Variants in GNPTAB observed in about 807,000 individuals in gnomAD.
GNPTAB encodes N-acetylglucosamine-1-phosphate transferase subunits alpha and beta.
A neutral mutation model predicts 136.6 loss-of-function variants in GNPTAB; 92 were observed. That is an observed-to-expected ratio of 0.67 (90% CI 0.57 to 0.80). GNPTAB has a LOEUF of 0.80. GNPTAB is among the 30% of genes least tolerant of loss of function. GNPTAB has a pLI of 0.00. For missense variants in GNPTAB, 1,343 were observed against 1,501.8 expected (o/e 0.89, Z 1.75); for synonymous variants, 512 against 535.1 (o/e 0.96, Z 0.60).
chr12:101,826,033 T>G (rs1871070738), intron 1 of GNPTAB, among the ~76,000 whole-genome samples: 1 of 152,210 alleles, frequency 6.6e-6, no homozygotes. Context: ...ATCTGTTTAA[T>G]GAGTGAACTA....
intron 5 of GNPTAB, among the ~76,000 whole-genome samples, chr12:101,784,250 G>C (rs1308179090): frequency 6.6e-6 from 1 of 152,242 alleles, no homozygotes; most frequent in Non-Finnish European, 1.5e-5. Context: ...GCTTCATGAA[G>C]GAGAGAGGAC....
intron 1 of GNPTAB, among the ~76,000 whole-genome samples, chr12:101,810,245 C>T (rs1463510961): frequency 6.6e-6 from 1 of 151,852 alleles, no homozygotes. Context: ...GACCCGGTCT[C>T]TAAAAATAAT....
At chr12:101,762,611 T>TATAA (rs941765698) in intron 13 of GNPTAB, among the ~76,000 whole-genome samples, 2 of 151,994 alleles carry the variant, frequency 1.3e-5, no homozygotes, top group East Asian at 3.8e-4. Context: ...CTGGCATGGG[T>TATAA]ATAAATAAAT....
intron 15 of GNPTAB, among the ~76,000 whole-genome samples, chr12:101,760,604 C>T (rs1055707597): frequency 6.6e-6 from 1 of 152,108 alleles, no homozygotes. Flanking sequence ...TCAATCCCTA[C>T]TGAAAACCTG....
At chr12:101,820,677 A>G (rs1463071239) in intron 1 of GNPTAB, among the ~76,000 whole-genome samples, 1 of 152,160 alleles carries the variant, frequency 6.6e-6, no homozygotes, top group Non-Finnish European at 1.5e-5. Context: ...GCTAAGAACC[A>G]CTGTCCTAGA....
rs1256054721 is a variant in GNPTAB, at chr12:101,830,759, G to T, written c.-84C>A. 1.3e-6 allele frequency: 1 copy of T among 796,292 alleles called. No homozygotes were observed. The highest frequency in any genetic ancestry group is 2.6e-5 in the Admixed American group (1 of 37,972). The allele number at this position is 796,292 out of a possible 1,614,324, so 49.3% of individuals were successfully genotyped here. On this transcript the variant is annotated 5_prime_UTR_variant, in exon 1 of 21. Transcript: ENST00000299314. ...CGCCTCAGCGAGCCGCCATTCAGGG[G>T]CCCCGGTCGGGCCGCCGCGCGCAGG... is the stretch of plus-strand genomic sequence containing the variant.
At chr12:101,813,153 G>C (rs1870327805) in intron 1 of GNPTAB, among the ~76,000 whole-genome samples, 1 of 152,028 alleles carries the variant, frequency 6.6e-6, no homozygotes, top group East Asian at 1.9e-4. Flanking sequence ...CTTAGTAAAA[G>C]GCAAAAGATT....
chr12:101,780,345 C>T, intron 6 of GNPTAB, 59 bp from the exon 7 acceptor site: 1 of 1,566,640 alleles, frequency 6.4e-7, no homozygotes, highest in South Asian at 1.1e-5. Context: ...TGAAAACCTA[C>T]AGCTGAGAAA....
At chr12:101,801,527 G>A in intron 1 of GNPTAB, among the ~76,000 whole-genome samples, 1 of 83,538 alleles carries the variant, frequency 1.2e-5, no homozygotes, top group African/African-American at 4.9e-5. Flanking sequence ...GTGACAGAAA[G>A]AGACCCTGTC....
chr12:101,824,380 G>A (rs1383226453), intron 1 of GNPTAB, among the ~76,000 whole-genome samples: 2 of 120,378 alleles, frequency 1.7e-5, no homozygotes, highest in South Asian at 2.7e-4. Context: ...TGAGCACCTC[G>A]ATCCACTCCT....
intron 1 of GNPTAB, among the ~76,000 whole-genome samples, chr12:101,815,957 C>G (rs1870495247): frequency 6.6e-6 from 1 of 152,192 alleles, no homozygotes. Flanking sequence ...AAAGGACAGT[C>G]TCTTTAATAC....
At chr12:101,792,527 C>G (rs949344014) in intron 2 of GNPTAB, among the ~76,000 whole-genome samples, 12 of 152,178 alleles carry the variant, frequency 7.9e-5, no homozygotes, top group Non-Finnish European at 1.3e-4. Context: ...ATACCCTTGT[C>G]CAAAGATGAA....
intron 1 of GNPTAB, among the ~76,000 whole-genome samples, chr12:101,800,330 T>C (rs766137735): frequency 6.6e-6 from 1 of 151,878 alleles, no homozygotes; most frequent in Non-Finnish European, 1.5e-5. Context: ...ATTTTTTCCC[T>C]ATTATAAAAA....
chr12:101,747,217 A>C lies in GNPTAB; in HGVS notation c.3718T>G (p.Phe1240Val). The change falls in exon 21 of 21, where the codon TTT becomes GTT. Residue 1240 changes from phenylalanine (F) to valine (V), a missense_variant. Physicochemically the swap from Phe to Val is conservative, Grantham distance 50. Coordinates refer to ENST00000299314, the MANE Select transcript of GNPTAB (RefSeq NM_024312.5). ...EQLIALKRKI[F>V]PRRRIHKEAS... ...TCTTTGTGTATCCTCCTTCTGGGAA[A>C]TATCTTCCGCTTAAGTGCAATTAAC... The C allele has an allele frequency of 2.5e-6, 4 of 1,591,746 alleles. No homozygotes were observed. The highest frequency in any genetic ancestry group is 3.4e-6 in the Non-Finnish European group (4 of 1,159,616).
chr12:101,830,277 T>G (rs1871299822), intron 1 of GNPTAB, among the ~76,000 whole-genome samples: 1 of 152,120 alleles, frequency 6.6e-6, no homozygotes, highest in Non-Finnish European at 1.5e-5. Flanking sequence ...ATCACATACA[T>G]GCCTTTTTCC....
At position 101,830,651 on chromosome 12, in the gene GNPTAB, G is replaced by A. The variant is rs1871323854; in HGVS notation, c.25C>T (p.Gln9Ter). MLFKLLQR[Q>*]TYTCLSHRYG... ...CTGTGGGACAGGCAGGTATAGGTCT[G>A]TCTCTGCAGGAGCTTGAACAGCATC... Residue 9 changes from glutamine to a stop codon, truncating the protein, a stop_gained, in exon 1 of 21, where the codon CAG becomes TAG. Transcript: ENST00000299314. LOFTEE classifies it high-confidence loss of function. 1 of 1,609,838 alleles carries A rather than the reference G, an allele frequency of 6.2e-7. No homozygotes were observed. Among genetic ancestry groups the A allele is most frequent in the Non-Finnish European group, 8.5e-7 (1 of 1,176,686 alleles).
At chr12:101,773,394 G>A (rs866523001) in intron 7 of GNPTAB, 3 of 285,674 alleles carry the variant, frequency 1.1e-5, no homozygotes, top group South Asian at 7.6e-5. Context: ...ACGAAGTCCC[G>A]AAGCTCGTTC....
rs1259759069 is a variant in GNPTAB, at chr12:101,780,565, C to T, written c.628G>A (p.Gly210Ser). The T allele has an allele frequency of 5.0e-6, 8 of 1,605,084 alleles. No homozygotes were observed. Among genetic ancestry groups the T allele is most frequent in the Non-Finnish European group, 6.8e-6 (8 of 1,172,546 alleles). Residue 210 changes from glycine to serine, a missense_variant, in exon 6 of 21, where the codon GGC (glycine) becomes AGC (serine). Transcript: ENST00000299314. ...KGNSRQTVWR[G>S]YLTTDKEVPG... The stretch of plus-strand genomic sequence containing the variant: ...AATTTAAAATAACATACCAAGTAGC[C>T]CCTCCATACTGTCTGTCTGCTATTT...
At position 101,768,145 on chromosome 12, in the gene GNPTAB, G is replaced by A. The variant is rs143228265; in HGVS notation, c.1300C>T (p.Pro434Ser). 1 of 1,614,036 alleles carries A rather than the reference G, an allele frequency of 6.2e-7. No individual in the cohort carries two copies. The highest frequency in any genetic ancestry group is 1.3e-5 in the African/African-American group (1 of 75,006). ...SKGQKVYLTW[P>S]VPNCAEGCPG... is the part of the protein sequence containing the mutation. ...CAGCCCTCGGCACAGTTTGGCACAG[G>A]CCATGTCAAATAAACCTACGATAAA... The change falls in exon 11 of 21, where the codon CCT (proline) becomes TCT (serine). Residue 434 changes from proline (P) to serine (S), a missense_variant. Coordinates refer to ENST00000299314, the MANE Select transcript of GNPTAB (RefSeq NM_024312.5).
Sources: gnomAD v4.1 joint callset for allele counts (sites outside exome capture counted in the v4.1 genomes callset) on GRCh38, gnomAD v4.1.1 for gene constraint, MANE v1.5 for transcripts, NCBI Gene and HGNC (gene_info 2026-07-23, HGNC 2026-07-21) for gene names.